FARS2: variants seen among roughly 807,000 people sequenced by gnomAD.
The protein encoded by FARS2 is phenylalanine--tRNA ligase, mitochondrial.
FARS2 carries 40 observed loss-of-function variants against 46.4 expected under a neutral mutation model. The ratio of observed to expected loss-of-function variants is 0.86; its 90% CI spans 0.67 to 1.12. FARS2 has a LOEUF of 1.12. Ranked by LOEUF, FARS2 falls within the 50% of genes most tolerant of loss-of-function variation. The probability of loss-of-function intolerance (pLI) is 0.00; values close to 1 mark genes in which losing one functional copy is unlikely to be tolerated. For missense variants in FARS2, 513 were observed against 567.9 expected (o/e 0.90, Z 0.98); for synonymous variants, 234 against 214.9 (o/e 1.09, Z -0.78).
intron 1 of FARS2, among the ~76,000 whole-genome samples, chr6:5,335,847 A>G (rs1310874619): frequency 6.6e-6 from 1 of 152,220 alleles, no homozygotes; most frequent in East Asian, 1.9e-4. Context: ...ATTTAGTCAT[A>G]TTGTCAAGTA....
At chr6:5,444,492 A>AAAAAG (rs1764054093) in intron 4 of FARS2, among the ~76,000 whole-genome samples, 1 of 35,582 alleles carries the variant, frequency 2.8e-5, no homozygotes, top group Non-Finnish European at 5.2e-5. Flanking sequence ...AAAAAAAAAA[A>AAAAAG]AGAGAGAGAG....
intron 3 of FARS2, among the ~76,000 whole-genome samples, chr6:5,423,745 T>G (rs1421009994): frequency 6.6e-6 from 1 of 152,170 alleles, no homozygotes; most frequent in Non-Finnish European, 1.5e-5. Flanking sequence ...CTTGGCACTC[T>G]GCAGCGCTGG....
rs147386227 is a variant in FARS2, at chr6:5,406,543, T to C, written c.772+1842T>C. Among the ~76,000 whole-genome samples the C allele has an allele frequency of 1.7e-3, 266 of 152,330 alleles. 3 individuals carry two copies. Among genetic ancestry groups the C allele is most frequent in the Middle Eastern group, 6.8e-3 (2 of 294 alleles). ...AATGGAATCTTAGAATATGTGCTCT[T>C]TTTTGTCTGGCTTGTTTTACTTAAA... On this transcript the variant is annotated intron_variant, in intron 3 of 6. Transcript: ENST00000274680.
At chr6:5,557,903 G>A (rs1202796499) in intron 5 of FARS2, among the ~76,000 whole-genome samples, 2 of 152,082 alleles carry the variant, frequency 1.3e-5, no homozygotes, top group African/African-American at 4.8e-5. Flanking sequence ...TTGAAATTGA[G>A]TATAGAAATC....
At chr6:5,713,104 T>C (rs1396818432) in intron 6 of FARS2, among the ~76,000 whole-genome samples, 2 of 152,226 alleles carry the variant, frequency 1.3e-5, no homozygotes, top group Non-Finnish European at 2.9e-5. Flanking sequence ...AATTTGGCAT[T>C]ATGGTGGAGC....
At chr6:5,561,841 A>G (rs1352393212) in intron 5 of FARS2, among the ~76,000 whole-genome samples, 2 of 151,598 alleles carry the variant, frequency 1.3e-5, no homozygotes, top group African/African-American at 2.4e-5. Context: ...GGTATTTCTT[A>G]TTTCTTTGTC....
At chr6:5,421,463 C>G (rs981226838) in intron 3 of FARS2, among the ~76,000 whole-genome samples, 1 of 152,224 alleles carries the variant, frequency 6.6e-6, no homozygotes, top group African/African-American at 2.4e-5. Flanking sequence ...ATGCCAATTT[C>G]TGCAGCCAGT....
chr6:5,592,962 C>T (rs755733554), intron 5 of FARS2, among the ~76,000 whole-genome samples: 4 of 152,186 alleles, frequency 2.6e-5, no homozygotes, highest in African/African-American at 4.8e-5. Context: ...GCTTGCAGCC[C>T]AGCCTCTTAA....
chr6:5,584,834 G>A (rs540434491), intron 5 of FARS2, among the ~76,000 whole-genome samples: 3 of 152,288 alleles, frequency 2.0e-5, no homozygotes, highest in East Asian at 1.9e-4. Context: ...TTAGAAACCA[G>A]AGGCCTATGT....
chr6:5,713,707 C>T (rs932193834), intron 6 of FARS2, among the ~76,000 whole-genome samples: 3 of 152,188 alleles, frequency 2.0e-5, no homozygotes, highest in Non-Finnish European at 4.4e-5. Context: ...TAAGCAGCAC[C>T]GCAGAGCTTT....
chr6:5,559,002 A>G (rs952043621), intron 5 of FARS2, among the ~76,000 whole-genome samples: 1 of 152,078 alleles, frequency 6.6e-6, no homozygotes, highest in African/African-American at 2.4e-5. Context: ...TATGTTCTAA[A>G]CGTATATTTC....
At chr6:5,428,716 A>T (rs1762989382) in intron 3 of FARS2, among the ~76,000 whole-genome samples, 1 of 152,168 alleles carries the variant, frequency 6.6e-6, no homozygotes, top group East Asian at 1.9e-4. Context: ...ATGGGCAGGG[A>T]TACAGGTGTA....
At position 5,415,688 on chromosome 6, in the gene FARS2, C is replaced by T. The variant is rs1418393182; in HGVS notation, c.772+10987C>T. Among the ~76,000 whole-genome samples the T allele has an allele frequency of 5.9e-5, 9 of 152,056 alleles. 1 individual carries two copies. Among genetic ancestry groups the T allele is most frequent in the Non-Finnish European group, 1.3e-4 (9 of 68,022 alleles). ...TATTTGCATTCATATAACTATTTGG[C>T]AAAGTATTCAAATATTTTGCCCATT... is the stretch of plus-strand genomic sequence containing the variant. On this transcript the variant is annotated intron_variant, in intron 3 of 6. Transcript: ENST00000274680.
chr6:5,718,844 G>A (rs1249929415), intron 6 of FARS2, among the ~76,000 whole-genome samples: 1 of 152,146 alleles, frequency 6.6e-6, no homozygotes. Flanking sequence ...TTCAGGTTAG[G>A]TGTGTTGCAA....
At chr6:5,574,300 AT>A (rs1373608305) in intron 5 of FARS2, among the ~76,000 whole-genome samples, 1 of 151,884 alleles carries the variant, frequency 6.6e-6, no homozygotes, top group Non-Finnish European at 1.5e-5. Context: ...AATTTTTTGT[AT>A]TTTTAGTAGA....
chr6:5,714,350 T>C (rs538952517), intron 6 of FARS2, among the ~76,000 whole-genome samples: 1 of 152,198 alleles, frequency 6.6e-6, no homozygotes, highest in East Asian at 1.9e-4. Flanking sequence ...GCATCGCCAA[T>C]GGGAAGGGTC....
chr6:5,423,672 C>A (rs1043838948), intron 3 of FARS2, among the ~76,000 whole-genome samples: 1 of 151,992 alleles, frequency 6.6e-6, no homozygotes, highest in African/African-American at 2.4e-5. Flanking sequence ...ATTTTATTAC[C>A]CTCTGTGAGA....
chr6:5,543,906 A>G (rs1480285100), intron 4 of FARS2, among the ~76,000 whole-genome samples: 2 of 147,092 alleles, frequency 1.4e-5, no homozygotes, highest in Admixed American at 6.8e-5. Flanking sequence ...TTTTCTGGGT[A>G]ACAAATTACA....
chr6:5,523,658 G>A (rs568604064), intron 4 of FARS2, among the ~76,000 whole-genome samples: 20 of 152,290 alleles, frequency 1.3e-4, no homozygotes, highest in Middle Eastern at 3.4e-3. Flanking sequence ...CAGCTGCGGC[G>A]TGCTTGGGTG....
Sources: allele counts gnomAD v4.1 joint callset (sites outside exome capture counted in the v4.1 genomes callset), GRCh38; gene constraint gnomAD v4.1.1; transcripts MANE v1.5; gene names NCBI Gene and HGNC (gene_info 2026-07-23, HGNC 2026-07-21).